Variants in IQCK observed in about 807,000 individuals in gnomAD.
IQCK encodes IQ domain-containing protein K.
Under a neutral mutation model 28.1 loss-of-function variants are expected in IQCK, and 29 were observed. That is an observed-to-expected ratio of 1.03 (90% confidence interval 0.77 to 1.41). The LOEUF is 1.41. Among genes scored for constraint, IQCK ranks in the 40% most tolerant of loss-of-function variants. The pLI, the probability that IQCK is intolerant of heterozygous loss-of-function variation, is 0.00. For missense variants in IQCK, 359 were observed against 314.7 expected, an observed-to-expected ratio of 1.14 and a Z score of -1.07; for synonymous variants, 113 against 115.1, an observed-to-expected ratio of 0.98 and a Z score of 0.12.
intron 4 of IQCK, among the ~76,000 whole-genome samples, chr16:19,741,355 C>G (rs1159537171): frequency 2.6e-5 from 4 of 152,110 alleles, no homozygotes; most frequent in African/African-American, 9.7e-5. Flanking sequence ...GCACAAAAAT[C>G]AGCTAAAAGG....
At chr16:19,831,895 C>G (rs570360052), downstream of IQCK, among the ~76,000 whole-genome samples, 7 of 152,092 alleles carry the variant, frequency 4.6e-5, no homozygotes, top group Non-Finnish European at 1.0e-4. Context: ...CAGAGACTGA[C>G]TGTCCCAAAC....
intron 6 of IQCK, among the ~76,000 whole-genome samples, chr16:19,767,322 G>A (rs926514266): frequency 6.6e-5 from 10 of 152,162 alleles, no homozygotes; most frequent in African/African-American, 2.2e-4. Flanking sequence ...TCTTGCCTTT[G>A]TGTACCAGAG....
chr16:19,819,867 A>G (rs111469697), intron 7 of IQCK, among the ~76,000 whole-genome samples: 30 of 152,042 alleles, frequency 2.0e-4, no homozygotes, highest in African/African-American at 6.8e-4. Flanking sequence ...CAGAAAGTCC[A>G]TACAGTTTAA....
At chr16:19,750,568 T>A (rs2097819507) in intron 4 of IQCK, among the ~76,000 whole-genome samples, 1 of 151,866 alleles carries the variant, frequency 6.6e-6, no homozygotes, top group South Asian at 2.1e-4. Context: ...TTCAAGCAAC[T>A]CTCCTATCTC....
chr16:19,748,076 T>C (rs1251934378), intron 4 of IQCK, among the ~76,000 whole-genome samples: 2 of 148,300 alleles, frequency 1.3e-5, no homozygotes, highest in Admixed American at 6.7e-5. Flanking sequence ...CAAATTCTTT[T>C]TTTTTTTTTT....
At chr16:19,736,409 T>C (rs1978016691) in intron 4 of IQCK, among the ~76,000 whole-genome samples, 10 of 151,740 alleles carry the variant, frequency 6.6e-5, no homozygotes, top group Admixed American at 6.6e-4. Context: ...ACTACGGGTA[T>C]GCACCACCAC....
chr16:19,812,315 G>GT (rs1469720802), intron 7 of IQCK, among the ~76,000 whole-genome samples: 1 of 152,160 alleles, frequency 6.6e-6, no homozygotes, highest in African/African-American at 2.4e-5. Context: ...TAATATTTAT[G>GT]TAATACATAT....
chr16:19,811,809 C>A (rs560172722), intron 7 of IQCK, among the ~76,000 whole-genome samples: 3 of 152,022 alleles, frequency 2.0e-5, no homozygotes, highest in Non-Finnish European at 4.4e-5. Context: ...GAACAGTGTT[C>A]CCCAAACTTT....
chr16:19,731,096 G>C (rs1262119831), intron 2 of IQCK, among the ~76,000 whole-genome samples: 2 of 152,206 alleles, frequency 1.3e-5, no homozygotes, highest in South Asian at 4.1e-4. Context: ...GCTCACATGA[G>C]ATCCTGGATG....
chr16:19,730,774 T>C (rs1054078758), intron 2 of IQCK, among the ~76,000 whole-genome samples: 3 of 152,106 alleles, frequency 2.0e-5, no homozygotes, highest in South Asian at 2.1e-4. Context: ...TATCTATCTA[T>C]CTACCTAATC....
intron 7 of IQCK, among the ~76,000 whole-genome samples, chr16:19,818,376 A>G (rs939044961): frequency 1.3e-5 from 2 of 152,196 alleles, no homozygotes; most frequent in Admixed American, 6.5e-5. Flanking sequence ...GTATACACAT[A>G]TATAACGTTT....
chr16:19,733,151 T>G (rs528019343), intron 2 of IQCK, among the ~76,000 whole-genome samples: 27 of 152,174 alleles, frequency 1.8e-4, no homozygotes, highest in African/African-American at 6.3e-4. Context: ...TTATTTTTTT[T>G]TTTGAGATGG....
chr16:19,731,991 A>G (rs142099113), intron 2 of IQCK, among the ~76,000 whole-genome samples: 83 of 152,360 alleles, frequency 5.4e-4, no homozygotes, highest in African/African-American at 2.0e-3. Context: ...AGAGCCCTGG[A>G]GTCTCAAAGC....
At chr16:19,748,914 CAAAAA>C (rs1289061459) in intron 4 of IQCK, among the ~76,000 whole-genome samples, 2 of 151,958 alleles carry the variant, frequency 1.3e-5, no homozygotes, top group Non-Finnish European at 2.9e-5. Context: ...CAAAACAAAA[CAAAAA>C]ACCAGCCCTG....
intron 9 of IQCK, among the ~76,000 whole-genome samples, chr16:19,835,445 A>C (rs1457264888): frequency 6.6e-6 from 1 of 152,178 alleles, no homozygotes; most frequent in Admixed American, 6.5e-5. Flanking sequence ...TGGCTCCATA[A>C]AAATGATAGC....
intron 4 of IQCK, among the ~76,000 whole-genome samples, chr16:19,753,262 AT>A (rs1306435186): frequency 2.7e-4 from 40 of 150,538 alleles, no homozygotes; most frequent in African/African-American, 9.1e-4. Flanking sequence ...AAAAAAAAAA[AT>A]TTTTGAAAAT....
At chr16:19,730,719 A>ATCTGTCTG (rs1293174151) in intron 2 of IQCK, among the ~76,000 whole-genome samples, 1 of 148,298 alleles carries the variant, frequency 6.7e-6, no homozygotes, top group African/African-American at 2.6e-5. Context: ...TTGTCTGTCT[A>ATCTGTCTG]TCTATCTGTC....
chr16:19,819,843 C>T, intron 7 of IQCK, among the ~76,000 whole-genome samples: 1 of 151,664 alleles, frequency 6.6e-6, no homozygotes, highest in East Asian at 1.9e-4. Flanking sequence ...GAAACTCTGT[C>T]TCTACTAAAA....
chr16:19,813,846 G>A (rs1400707451), intron 7 of IQCK, among the ~76,000 whole-genome samples: 1 of 152,092 alleles, frequency 6.6e-6, no homozygotes, highest in Non-Finnish European at 1.5e-5. Flanking sequence ...TTGTTTGGGA[G>A]GAGGCTGGAC....
Sources: gnomAD v4.1 joint callset for allele counts (sites outside exome capture counted in the v4.1 genomes callset) on GRCh38, gnomAD v4.1.1 for gene constraint, MANE v1.5 for transcripts, NCBI Gene and HGNC (gene_info 2026-07-23, HGNC 2026-07-21) for gene names.